Variants in SLC12A9 observed in about 807,000 individuals in gnomAD.
SLC12A9 encodes CCC-interacting protein 1.
In SLC12A9, 55 loss-of-function variants were observed where a neutral mutation model predicts 66.0. The ratio of observed to expected loss-of-function variants is 0.83; its 90% CI spans 0.67 to 1.04. The LOEUF (loss-of-function observed/expected upper bound fraction) is 1.04. SLC12A9 is among the 50% of genes least tolerant of loss of function. The pLI, the probability that SLC12A9 is intolerant of heterozygous loss-of-function variation, is 0.00. For synonymous variants in SLC12A9, 577 were observed against 569.0 expected, an observed-to-expected ratio of 1.01 and a Z score of -0.20; for missense variants, 1,061 against 1,241.9, an observed-to-expected ratio of 0.85 and a Z score of 2.19.
At chr7:100,832,972 C>T (rs1813571078) in intron 1 of SLC12A9, among the ~76,000 whole-genome samples, 1 of 152,070 alleles carries the variant, frequency 6.6e-6, no homozygotes, top group African/African-American at 2.4e-5. Context: ...GACAGGGTCT[C>T]ACTATGTTGC....
At chr7:100,855,317 T>A (rs1029691954) in intron 3 of SLC12A9, 2 of 273,042 alleles carry the variant, frequency 7.3e-6, no homozygotes, top group Non-Finnish European at 1.4e-5. Context: ...AGATGGAATC[T>A]TGCTATGTTT....
At chr7:100,855,482 A>T (rs755573500) in intron 3 of SLC12A9, 220 of 530,042 alleles carry the variant, frequency 4.2e-4, no homozygotes, top group Non-Finnish European at 6.5e-4. Context: ...GGAGATCAAC[A>T]TTGCCCTGCA....
At chr7:100,830,740 T>C in intron 1 of SLC12A9, among the ~76,000 whole-genome samples, 1 of 152,154 alleles carries the variant, frequency 6.6e-6, no homozygotes, top group East Asian at 1.9e-4. Flanking sequence ...AAAATTAATA[T>C]AGTTTTATGT....
rs971470253 is a variant in SLC12A9, at chr7:100,861,537, G to A, written c.1489G>A (p.Gly497Ser). The A allele has an allele frequency of 1.2e-6, 2 of 1,613,720 alleles. No individual in the cohort carries two copies. The highest frequency in any genetic ancestry group is 1.3e-5 in the African/African-American group (1 of 74,930). ...GGCTGCCCTGCTCACCGCGCGAGGAGGCCCCAGTAGCTGGGGCTATGTCAG... is the reference window on the plus strand; with the variant it reads ...GGCTGCCCTGCTCACCGCGCGAGGAAGCCCCAGTAGCTGGGGCTATGTCAG... ...LLAALLTARG[G>S]PSSWGYVSQA... The change falls in exon 11 of 14, where the codon GGC (glycine) becomes AGC (serine). Residue 497 changes from glycine (G) to serine (S), a missense_variant. By Grantham distance (56) the Gly-to-Ser change is moderately conservative. Coordinates refer to ENST00000354161, the MANE Select transcript of SLC12A9 (RefSeq NM_020246.4). The surrounding 1 kb of genome is among the most constrained non-coding windows in gnomAD (Gnocchi z 5.3).
chr7:100,854,873 A>AT, intron 3 of SLC12A9, 119 bp downstream of exon 3: 1 of 1,430,662 alleles, frequency 7.0e-7, no homozygotes, highest in Non-Finnish European at 9.4e-7. Context: ...CATTCTTAAA[A>AT]TTTTTTTAGG....
Position 100,866,560 on chromosome 7 carries a change from G to A in SLC12A9, c.2700G>A (p.Thr900=), listed in dbSNP as rs1210582723. 9.4e-6 allele frequency: 15 copies of A among 1,588,248 alleles called. No individual in the cohort carries two copies. The highest frequency in any genetic ancestry group is 2.7e-5 in the African/African-American group (2 of 74,636). Residue 900 remains threonine (T), a synonymous_variant, in exon 14 of 14, where the codon ACG becomes ACA. Coordinates refer to ENST00000354161, the MANE Select transcript of SLC12A9 (RefSeq NM_020246.4). The surrounding 1 kb of genome is among the most constrained non-coding windows in gnomAD (Gnocchi z 7.3). ...CTCTAACCCGAGACCTGGGCCCCAC[G>A]CTGCTGGTTCATGGGGTCACTCCAG... ...LETLTRDLGP[T]LLVHGVTPVT... is the part of the protein sequence containing the mutation.
At chr7:100,828,613 T>A (rs1430623375) in intron 1 of SLC12A9, among the ~76,000 whole-genome samples, 1 of 145,386 alleles carries the variant, frequency 6.9e-6, no homozygotes, top group Non-Finnish European at 1.5e-5. Context: ...TCCGGCTAGA[T>A]CTCCAAATCG....
intron 1 of SLC12A9, among the ~76,000 whole-genome samples, chr7:100,831,479 C>G (rs1388430262): frequency 6.6e-6 from 1 of 151,192 alleles, no homozygotes; most frequent in East Asian, 2.0e-4. Context: ...AGCCACTGCA[C>G]GTGGCTCTTT....
chr7:100,860,611 T>A, intron 9 of SLC12A9: 1 of 363,594 alleles, frequency 2.8e-6, no homozygotes, highest in South Asian at 2.4e-5. Flanking sequence ...TTGTGGGGGT[T>A]CACTGATACT....
chr7:100,844,768 G>A (rs1021675718), intron 1 of SLC12A9, among the ~76,000 whole-genome samples: 3 of 152,092 alleles, frequency 2.0e-5, no homozygotes, highest in Non-Finnish European at 2.9e-5. Context: ...GAATCAACGG[G>A]GCTGGACTGG....
chr7:100,854,262 C>G lies in SLC12A9; in HGVS notation c.65C>G (p.Pro22Arg), dbSNP rs1418201395. The G allele has an allele frequency of 6.3e-7, 1 of 1,582,522 alleles. No individual in the cohort carries two copies. Among genetic ancestry groups the G allele is most frequent in the East Asian group, 2.2e-5 (1 of 44,528 alleles). ...RLLGEEGVAL[P>R]ANGAGGPGGA... ...CTGGGGGAGGAGGGGGTTGCCCTCC[C>G]TGCCAATGGGGCCGGGGGTCCTGGA... Residue 22 changes from proline to arginine, a missense_variant, in exon 2 of 14, where the codon CCT becomes CGT. Pro to Arg is a moderately radical substitution (Grantham distance 103). Transcript: ENST00000354161.
At chr7:100,846,443 T>A (rs1057260534) in intron 1 of SLC12A9, among the ~76,000 whole-genome samples, 1 of 151,938 alleles carries the variant, frequency 6.6e-6, no homozygotes, top group Admixed American at 6.6e-5. Flanking sequence ...GGCGGGCGCC[T>A]GTAGTCCCAG....
intron 1 of SLC12A9, 129 bp from the exon 2 acceptor site, chr7:100,854,027 C>T: frequency 1.8e-6 from 1 of 570,320 alleles, no homozygotes; most frequent in Non-Finnish European, 2.8e-6. Flanking sequence ...CCGAGCCTGG[C>T]CAATTTTTGT....
chr7:100,861,400 T>A lies in SLC12A9; in HGVS notation c.1352T>A (p.Phe451Tyr), dbSNP rs1223923606. ...CCCCTCCATGCCCGCAGCCCCACCT[T>A]CAGCCTGTTCTCCTGGCACACCTGC... Reference protein sequence around the residue: ...WASAPNFRPTFSLFSWHTCLL... With the variant: ...WASAPNFRPTYSLFSWHTCLL... The change falls in exon 11 of 14, where the codon TTC becomes TAC. Residue 451 changes from phenylalanine (F) to tyrosine (Y), a missense_variant. Phe to Tyr is a conservative substitution (Grantham distance 22, BLOSUM62 3). Coordinates refer to ENST00000354161, the MANE Select transcript of SLC12A9 (RefSeq NM_020246.4). The surrounding 1 kb of genome is among the most constrained non-coding windows in gnomAD (Gnocchi z 5.3). 1 of 1,613,574 alleles carries A rather than the reference T, an allele frequency of 6.2e-7. No individual in the cohort carries two copies. The highest frequency in any genetic ancestry group is 8.5e-7 in the Non-Finnish European group (1 of 1,179,948).
At chr7:100,860,925 A>G in intron 9 of SLC12A9, 1 of 800,338 alleles carries the variant, frequency 1.2e-6, no homozygotes, top group Non-Finnish European at 2.0e-6. Context: ...GGGCTCATTG[A>G]CACTTTGGGG....
At chr7:100,849,179 G>A (rs74189705), upstream of SLC12A9, among the ~76,000 whole-genome samples, 3 of 151,616 alleles carry the variant, frequency 2.0e-5, no homozygotes, top group East Asian at 6.0e-4. Context: ...CTCCTGCTTC[G>A]GCCTCCCAAA....
At position 100,866,006 on chromosome 7, in the gene SLC12A9, G is replaced by A. The variant is rs1266898243; in HGVS notation, c.2146G>A (p.Gly716Arg). The change falls in exon 14 of 14, where the codon GGG becomes AGG. Residue 716 changes from glycine to arginine, a missense_variant. Coordinates refer to ENST00000354161, the MANE Select transcript of SLC12A9 (RefSeq NM_020246.4). The surrounding 1 kb of genome is among the most constrained non-coding windows in gnomAD (Gnocchi z 7.3). Reference sequence around the variant, plus strand: ...CCCTGAGCGGCTGAGCCGGGGGTCTGGGGGCACCTCTCAGCTGCACCATGT... The same window carrying A: ...CCCTGAGCGGCTGAGCCGGGGGTCTAGGGGCACCTCTCAGCTGCACCATGT... ...LPPERLSRGS[G>R]GTSQLHHVDV... 3 of 1,612,442 alleles carry A rather than the reference G, an allele frequency of 1.9e-6. No individual in the cohort carries two copies. The highest frequency in any genetic ancestry group is 3.3e-5 in the Admixed American group (2 of 59,988).
At chr7:100,857,547 T>C in intron 5 of SLC12A9, 1 of 215,990 alleles carries the variant, frequency 4.6e-6, no homozygotes, top group Non-Finnish European at 9.3e-6. Context: ...GAGCTGGAGG[T>C]GGCCTGAGAT....
intron 3 of SLC12A9, 77 bp from the exon 4 acceptor site, chr7:100,855,629 G>A: frequency 6.2e-7 from 1 of 1,601,552 alleles, no homozygotes; most frequent in South Asian, 1.1e-5. Context: ...CTTGGGTTCA[G>A]TGCTTGGAGC....
Sources: gnomAD v4.1 joint callset for allele counts (sites outside exome capture counted in the v4.1 genomes callset) on GRCh38, gnomAD v4.1.1 for gene constraint, Gnocchi (gnomAD v3.1) non-coding constraint, MANE v1.5 for transcripts, NCBI Gene and HGNC (gene_info 2026-07-23, HGNC 2026-07-21) for gene names.